The following TRMT11 variants were observed in gnomAD, a reference collection of about 807,000 sequenced individuals.
The protein encoded by TRMT11 is tRNA methyltransferase 11.
A neutral mutation model predicts 62.8 loss-of-function variants in TRMT11; 53 were observed. The observed-to-expected ratio is 0.84, with a 90% CI of 0.68 to 1.06. The LOEUF is 1.06. Ranked by LOEUF, TRMT11 falls within the 50% of genes least tolerant of loss-of-function variation. The pLI is 0.00. For synonymous variants in TRMT11, 188 were observed against 190.3 expected, an observed-to-expected ratio of 0.99 and a Z score of 0.10; for missense variants, 556 against 553.4, an observed-to-expected ratio of 1.00 and a Z score of -0.05.
downstream of TRMT11, among the ~76,000 whole-genome samples, chr6:126,042,932 TAA>T (rs1321581484): frequency 1.3e-5 from 2 of 152,198 alleles, no homozygotes; most frequent in Admixed American, 1.3e-4. Flanking sequence ...TAAAAATCTT[TAA>T]GAGTCCCTTA....
intron 12 of TRMT11, among the ~76,000 whole-genome samples, chr6:126,038,007 A>G (rs1775495737): frequency 6.6e-6 from 1 of 152,024 alleles, no homozygotes. Flanking sequence ...GTTGGATGAG[A>G]AGCCAGTGTT....
At chr6:126,246,408 G>A in the TRMT11 span, among the ~76,000 whole-genome samples, 1 of 152,114 alleles carries the variant, frequency 6.6e-6, no homozygotes, top group Non-Finnish European at 1.5e-5. Flanking sequence ...TATTACTGAG[G>A]ATCTACCATT....
the TRMT11 span, among the ~76,000 whole-genome samples, chr6:126,255,952 G>A: frequency 6.6e-6 from 1 of 152,186 alleles, no homozygotes; most frequent in Non-Finnish European, 1.5e-5. Context: ...TATGGTTCCT[G>A]TGAGTCGAAT....
chr6:126,061,542 T>G (rs1460627833), intron 17 of TRMT11, among the ~76,000 whole-genome samples: 1 of 30,622 alleles, frequency 3.3e-5, no homozygotes, highest in Admixed American at 4.7e-4. Context: ...ATCAGTCAAT[T>G]TTTTTTTTTT....
chr6:126,270,488 A>C, the TRMT11 span, among the ~76,000 whole-genome samples: 1 of 152,176 alleles, frequency 6.6e-6, no homozygotes, highest in Non-Finnish European at 1.5e-5. Context: ...ATTATAAATG[A>C]TGTTGTTCGA....
At chr6:126,145,816 A>C (rs1391123090) in intron 21 of TRMT11, among the ~76,000 whole-genome samples, 1 of 152,156 alleles carries the variant, frequency 6.6e-6, no homozygotes, top group Non-Finnish European at 1.5e-5. Flanking sequence ...TTAAATTTTA[A>C]ATTTTTGTTT....
At chr6:126,088,195 G>C (rs1033380329) in intron 17 of TRMT11, among the ~76,000 whole-genome samples, 1 of 151,970 alleles carries the variant, frequency 6.6e-6, no homozygotes, top group East Asian at 1.9e-4. Context: ...AAGCATTAAA[G>C]TTAAATTGAA....
chr6:126,243,086 A>G, the TRMT11 span, among the ~76,000 whole-genome samples: 1 of 152,228 alleles, frequency 6.6e-6, no homozygotes, highest in Non-Finnish European at 1.5e-5. Flanking sequence ...ACAAATTTAC[A>G]AGAAAAAATC....
At chr6:126,122,824 G>A (rs1215046087) in intron 21 of TRMT11, among the ~76,000 whole-genome samples, 1 of 152,058 alleles carries the variant, frequency 6.6e-6, no homozygotes, top group African/African-American at 2.4e-5. Context: ...TTGTTAATCA[G>A]TCTGCTTCAT....
chr6:126,177,727 GTGCTCTGACC>G (rs1778403586), intron 1 of TRMT11, among the ~76,000 whole-genome samples: 2 of 152,014 alleles, frequency 1.3e-5, no homozygotes, highest in Non-Finnish European at 2.9e-5. Flanking sequence ...GCTCAGAAGG[GTGCTCTGACC>G]TTTTTTTTCA....
At chr6:126,077,185 A>G (rs1242493706) in intron 17 of TRMT11, among the ~76,000 whole-genome samples, 2 of 152,204 alleles carry the variant, frequency 1.3e-5, no homozygotes, top group Admixed American at 6.5e-5. Context: ...AAATCACATG[A>G]CATTTGTTTA....
the TRMT11 span, among the ~76,000 whole-genome samples, chr6:126,263,694 T>C: frequency 1.3e-5 from 2 of 152,226 alleles, no homozygotes; most frequent in African/African-American, 4.8e-5. Context: ...AAAACTGGGC[T>C]GGACATCTTA....
intron 21 of TRMT11, among the ~76,000 whole-genome samples, chr6:126,172,065 C>T (rs1341924588): frequency 6.6e-6 from 1 of 151,880 alleles, no homozygotes; most frequent in Non-Finnish European, 1.5e-5. Context: ...CACCAGTGCT[C>T]AATGAGAAAC....
the TRMT11 span, among the ~76,000 whole-genome samples, chr6:126,232,722 G>A: frequency 6.6e-6 from 1 of 152,280 alleles, no homozygotes; most frequent in Admixed American, 6.5e-5. Flanking sequence ...TTGGTGAGAT[G>A]CTTTGTGTTA....
chr6:126,113,479 C>T (rs1019417983), intron 18 of TRMT11, among the ~76,000 whole-genome samples: 1 of 152,080 alleles, frequency 6.6e-6, no homozygotes, highest in Admixed American at 6.6e-5. Flanking sequence ...AACAGTGATA[C>T]TTGTACTTTA....
chr6:126,029,338 G>A (rs1265380569), intron 12 of TRMT11, among the ~76,000 whole-genome samples: 1 of 152,088 alleles, frequency 6.6e-6, no homozygotes, highest in African/African-American at 2.4e-5. Flanking sequence ...AGGTTATAGA[G>A]TAATGCAGCA....
chr6:126,212,841 T>A, the TRMT11 span, among the ~76,000 whole-genome samples: 75 of 152,178 alleles, frequency 4.9e-4, no homozygotes, highest in African/African-American at 1.7e-3. Flanking sequence ...TATTAAGAAA[T>A]CTTTGCCTAG....
intron 21 of TRMT11, among the ~76,000 whole-genome samples, chr6:126,161,757 CTT>C (rs1395692343): frequency 6.6e-6 from 1 of 152,182 alleles, no homozygotes; most frequent in Non-Finnish European, 1.5e-5. Context: ...TGTTTCTTGA[CTT>C]TTTAATGATC....
the TRMT11 span, among the ~76,000 whole-genome samples, chr6:126,235,852 A>C: frequency 6.6e-6 from 1 of 152,212 alleles, no homozygotes; most frequent in Admixed American, 6.5e-5. Context: ...TGTACCCCTG[A>C]ACTTAAAAAA....
Sources: gnomAD v4.1 joint callset for allele counts (sites outside exome capture counted in the v4.1 genomes callset) on GRCh38, gnomAD v4.1.1 for gene constraint, MANE v1.5 for transcripts, NCBI Gene and HGNC (gene_info 2026-07-23, HGNC 2026-07-21) for gene names.